Variants in HDX observed in about 807,000 individuals in gnomAD.
HDX encodes chromosome X open reading frame 43.
A neutral mutation model predicts 45.2 loss-of-function variants in HDX; 19 were observed. The ratio of observed to expected loss-of-function variants is 0.42; its 90% CI spans 0.29 to 0.62. The LOEUF (loss-of-function observed/expected upper bound fraction) is 0.62, where lower values mean the gene tolerates loss of function less well. HDX is among the 20% of genes least tolerant of loss of function. The pLI is 0.20. For missense variants in HDX, 532 were observed against 493.9 expected (o/e 1.08, Z -0.73); for synonymous variants, 188 against 172.8 (o/e 1.09, Z -0.69).
intron 4 of HDX, among the ~76,000 whole-genome samples, chrX:84,466,476 C>T (rs1048095613): frequency 8.9e-6 from 1 of 112,075 alleles, no homozygotes; most frequent in South Asian, 3.7e-4. Context: ...TAAGCCTATA[C>T]TCTAAATTGT....
At chrX:84,490,360 G>A (rs866080646) in intron 1 of HDX, among the ~76,000 whole-genome samples, 24 of 111,321 alleles carry the variant, frequency 2.2e-4, no homozygotes, top group Admixed American at 8.6e-4. Flanking sequence ...AGTTTTCTAC[G>A]TATCCACTAA....
intron 5 of HDX, among the ~76,000 whole-genome samples, chrX:84,366,099 A>C (rs187460148): frequency 2.6e-4 from 29 of 111,995 alleles, no homozygotes; most frequent in African/African-American, 9.1e-4. Flanking sequence ...GTCTCAGCCC[A>C]AAATCTCCTT....
At chrX:84,436,461 A>G (rs2039638533) in intron 5 of HDX, among the ~76,000 whole-genome samples, 1 of 111,806 alleles carries the variant, frequency 8.9e-6, no homozygotes, top group South Asian at 3.7e-4. Context: ...GTAGACATTT[A>G]TTGCTATTAA....
intron 5 of HDX, among the ~76,000 whole-genome samples, chrX:84,437,398 G>T (rs1184467124): frequency 1.8e-5 from 2 of 110,756 alleles, no homozygotes; most frequent in African/African-American, 6.6e-5. Context: ...CTCCCAAGTA[G>T]CTGGGACTAC....
chrX:84,475,060 A>C (rs2040520781), intron 3 of HDX, among the ~76,000 whole-genome samples, 191 bp downstream of exon 3: 1 of 112,084 alleles, frequency 8.9e-6, no homozygotes, highest in Admixed American at 9.5e-5. Flanking sequence ...CTGTGTGTTC[A>C]AGGTATTTAT....
At chrX:84,377,014 G>A (rs1241888371) in intron 5 of HDX, among the ~76,000 whole-genome samples, 1 of 112,256 alleles carries the variant, frequency 8.9e-6, no homozygotes, top group Non-Finnish European at 1.9e-5. Context: ...AGCAGTGTTT[G>A]TGTCACTACA....
intron 4 of HDX, among the ~76,000 whole-genome samples, chrX:84,442,638 C>A (rs940386275): frequency 2.7e-5 from 3 of 110,511 alleles, no homozygotes; most frequent in African/African-American, 3.3e-5. Context: ...TTTTATCCCA[C>A]CAATGTGTGT....
rs574159414 is a variant in HDX, at chrX:84,449,509, T to C, written c.1252-8924A>G. On this transcript the variant is annotated intron_variant, in intron 4 of 10. Coordinates refer to ENST00000373177, the MANE Select transcript of HDX (RefSeq NM_001177479.2). ...TACAGGCCAGGAGACAGTGGAATGG[T>C]ATCTTCAAAGAGCTGAAAGAAAAAC... is the stretch of plus-strand genomic sequence containing the variant. 4.5e-5 allele frequency among the ~76,000 whole-genome samples: 5 copies of C among 112,139 alleles called. No individual in the cohort carries two copies. In the South Asian group the frequency reaches 1.8e-3, roughly 41 times the overall value.
chrX:84,351,350 G>GT (rs2147819495), intron 6 of HDX, among the ~76,000 whole-genome samples: 1 of 110,947 alleles, frequency 9.0e-6, no homozygotes, highest in South Asian at 3.8e-4. Context: ...ATCAGTGAGT[G>GT]TTTTTTGTTT....
At chrX:84,325,758 G>A (rs2036696127) in intron 10 of HDX, among the ~76,000 whole-genome samples, 1 of 111,745 alleles carries the variant, frequency 8.9e-6, no homozygotes, top group South Asian at 3.7e-4. Flanking sequence ...CCAAACATCT[G>A]TGAACTGTAG....
chrX:84,493,910 A>G (rs2040946625), intron 1 of HDX, among the ~76,000 whole-genome samples: 1 of 111,671 alleles, frequency 9.0e-6, no homozygotes, highest in South Asian at 3.7e-4. Context: ...TGGATAGCCC[A>G]TTTTCCATGA....
rs73625989 is a variant in HDX at position 84,434,215 on chromosome X, T to A, written c.1305+6317A>T. Among the ~76,000 whole-genome samples, 858 of 111,237 alleles carry A rather than the reference T, an allele frequency of 7.7e-3. 8 individuals carry two copies. Among genetic ancestry groups the A allele is most frequent in the African/African-American group, 0.025 (771 of 30,719 alleles). ...TCACCGTGGCCAAGACTTTTAGTACTATGCTGAATAGAATTGATAAAAGTG... is the reference window on the plus strand; with the variant it reads ...TCACCGTGGCCAAGACTTTTAGTACAATGCTGAATAGAATTGATAAAAGTG... On this transcript the variant is annotated intron_variant, in intron 5 of 10. Coordinates refer to ENST00000373177, the MANE Select transcript of HDX (RefSeq NM_001177479.2).
At chrX:84,455,678 T>A (rs1442620529) in intron 4 of HDX, among the ~76,000 whole-genome samples, 1 of 111,471 alleles carries the variant, frequency 9.0e-6, no homozygotes, top group African/African-American at 3.3e-5. Context: ...AATAGCAGAA[T>A]CTCCCAAACC....
chrX:84,346,480 C>A (rs2147805796), intron 6 of HDX, among the ~76,000 whole-genome samples: 1 of 111,383 alleles, frequency 9.0e-6, no homozygotes, highest in South Asian at 3.7e-4. Context: ...AATTTCAAGA[C>A]TTTTTATATA....
At chrX:84,362,453 C>T (rs957499489) in intron 5 of HDX, among the ~76,000 whole-genome samples, 1 of 109,768 alleles carries the variant, frequency 9.1e-6, no homozygotes, top group Admixed American at 9.8e-5. Context: ...TTTTTTTTTC[C>T]AGTGATGCCT....
At chrX:84,337,564 C>T (rs2036993384) in intron 7 of HDX, among the ~76,000 whole-genome samples, 1 of 111,013 alleles carries the variant, frequency 9.0e-6, no homozygotes, top group Non-Finnish European at 1.9e-5. Context: ...AACCATAAAT[C>T]CAGAGTATTT....
At chrX:84,411,347 C>T (rs946591789) in intron 5 of HDX, among the ~76,000 whole-genome samples, 13 of 111,605 alleles carry the variant, frequency 1.2e-4, no homozygotes, top group Admixed American at 1.1e-3. Flanking sequence ...CCCAGGAATT[C>T]TGGTATGATG....
At chrX:84,392,916 A>G (rs1358082651) in intron 5 of HDX, among the ~76,000 whole-genome samples, 3 of 110,442 alleles carry the variant, frequency 2.7e-5, no homozygotes, top group Non-Finnish European at 5.7e-5. Context: ...CTTTCTAGAT[A>G]TAAGATCATA....
chrX:84,342,519 A>G (rs867616341), intron 7 of HDX, among the ~76,000 whole-genome samples: 8 of 102,185 alleles, frequency 7.8e-5, no homozygotes, highest in African/African-American at 1.4e-4. Flanking sequence ...ATGTGTGTGC[A>G]TGTGTGTGTG....
Sources: allele counts gnomAD v4.1 joint callset (sites outside exome capture counted in the v4.1 genomes callset), GRCh38; gene constraint gnomAD v4.1.1; transcripts MANE v1.5; gene names NCBI Gene and HGNC (gene_info 2026-07-23, HGNC 2026-07-21).